SLC39A11: variants seen among roughly 807,000 people sequenced by gnomAD.
SLC39A11 encodes the protein solute carrier family 39 member 11.
Under a neutral mutation model 36.1 loss-of-function variants are expected in SLC39A11, and 33 were observed. That is an observed-to-expected ratio of 0.91 (90% CI 0.69 to 1.22). SLC39A11 has a LOEUF of 1.22. SLC39A11 is among the 50% of genes most tolerant of loss of function. SLC39A11 has a pLI of 0.00. For synonymous variants in SLC39A11, 166 were observed against 170.3 expected, an observed-to-expected ratio of 0.97 and a Z score of 0.20; for missense variants, 432 against 430.3, an observed-to-expected ratio of 1.00 and a Z score of -0.03.
At chr17:72,750,150 G>A (rs926368926) in intron 6 of SLC39A11, among the ~76,000 whole-genome samples, 1 of 152,180 alleles carries the variant, frequency 6.6e-6, no homozygotes, top group African/African-American at 2.4e-5. Flanking sequence ...AGCCAAGAGA[G>A]TCACCCTGGG....
At chr17:73,074,648 G>A (rs1331793940) in intron 3 of SLC39A11, among the ~76,000 whole-genome samples, 1 of 152,120 alleles carries the variant, frequency 6.6e-6, no homozygotes, top group Non-Finnish European at 1.5e-5. Flanking sequence ...TGGAAATAGA[G>A]AACAGCTGGT....
chr17:72,941,730 CAAG>C (rs1013052298), intron 5 of SLC39A11, among the ~76,000 whole-genome samples: 6 of 152,214 alleles, frequency 3.9e-5, no homozygotes, highest in African/African-American at 1.4e-4. Context: ...GATCCCTGTC[CAAG>C]AAGGTATCTC....
At chr17:72,753,342 T>G (rs1598580625) in intron 6 of SLC39A11, among the ~76,000 whole-genome samples, 1 of 152,344 alleles carries the variant, frequency 6.6e-6, no homozygotes. Flanking sequence ...AGAATTGTCT[T>G]CTACTTAACC....
intron 7 of SLC39A11, among the ~76,000 whole-genome samples, chr17:72,650,150 G>C (rs1195247589): frequency 6.6e-6 from 1 of 152,216 alleles, no homozygotes; most frequent in Middle Eastern, 3.2e-3. Flanking sequence ...GCTTCTCCGT[G>C]GGCTCTGCAG....
At chr17:72,669,625 T>C (rs1284791635) in intron 7 of SLC39A11, among the ~76,000 whole-genome samples, 1 of 152,202 alleles carries the variant, frequency 6.6e-6, no homozygotes, top group Non-Finnish European at 1.5e-5. Flanking sequence ...CATAAAGTAG[T>C]TTGTGCTGGG....
intron 4 of SLC39A11, among the ~76,000 whole-genome samples, chr17:72,967,369 T>TGAGAGAGAGAGAGA (rs1398782916): frequency 1.3e-4 from 2 of 15,904 alleles, no homozygotes; most frequent in Non-Finnish European, 5.9e-4. Context: ...ATAAGCATGC[T>TGAGAGAGAGAGAGA]CAGAGAGAGA....
chr17:73,068,275 C>T (rs1422734917), intron 3 of SLC39A11: 12 of 686,180 alleles, frequency 1.7e-5, no homozygotes, highest in South Asian at 7.6e-5. Flanking sequence ...ACATGGACTG[C>T]GGCTCCTCCA....
At chr17:72,816,340 T>A (rs2077583641) in intron 6 of SLC39A11, among the ~76,000 whole-genome samples, 1 of 152,186 alleles carries the variant, frequency 6.6e-6, no homozygotes, top group Admixed American at 6.5e-5. Context: ...GTTGTTTTTC[T>A]AATCTCTTTG....
intron 5 of SLC39A11, among the ~76,000 whole-genome samples, chr17:72,934,248 C>G (rs758727901): frequency 6.6e-6 from 1 of 152,098 alleles, no homozygotes; most frequent in Non-Finnish European, 1.5e-5. Flanking sequence ...GGCAGTTCAT[C>G]AAGATTAAAA....
intron 7 of SLC39A11, among the ~76,000 whole-genome samples, chr17:72,689,371 G>A (rs1015192885): frequency 2.6e-5 from 4 of 152,236 alleles, no homozygotes; most frequent in African/African-American, 4.8e-5. Context: ...TGGAAGGCCC[G>A]ATGGGGCAGT....
chr17:72,861,361 T>C (rs1022670926), intron 5 of SLC39A11, among the ~76,000 whole-genome samples: 1 of 152,094 alleles, frequency 6.6e-6, no homozygotes, highest in African/African-American at 2.4e-5. Flanking sequence ...CCCTTCAAGA[T>C]AGTCTACACT....
chr17:72,895,471 T>C (rs1434183163), intron 5 of SLC39A11, among the ~76,000 whole-genome samples: 1 of 151,596 alleles, frequency 6.6e-6, no homozygotes, highest in Non-Finnish European at 1.5e-5. Context: ...CCCAGCTACA[T>C]GGGAGGCTGA....
chr17:72,756,467 T>A (rs2075366516), intron 6 of SLC39A11, among the ~76,000 whole-genome samples: 1 of 152,204 alleles, frequency 6.6e-6, no homozygotes, highest in South Asian at 2.1e-4. Context: ...AGGAAGGAAA[T>A]GCTGACACAT....
At chr17:72,856,750 G>A (rs931334846) in intron 5 of SLC39A11, among the ~76,000 whole-genome samples, 11 of 151,674 alleles carry the variant, frequency 7.3e-5, no homozygotes, top group African/African-American at 2.2e-4. Context: ...GCGCAATCTC[G>A]GTTCACTGTA....
chr17:72,860,406 A>G (rs1419336557), intron 5 of SLC39A11, among the ~76,000 whole-genome samples: 1 of 152,232 alleles, frequency 6.6e-6, no homozygotes, highest in African/African-American at 2.4e-5. Context: ...TGTGCGAGAC[A>G]GAATATACAC....
At chr17:72,852,204 CAAAAAAAAAAAA>C (rs1167034424) in intron 5 of SLC39A11, among the ~76,000 whole-genome samples, 4 of 39,894 alleles carry the variant, frequency 1.0e-4, no homozygotes, top group Non-Finnish European at 2.1e-4. Flanking sequence ...GACTCCGTCT[CAAAAAAAAAAAA>C]AAAAAAAAAA....
At chr17:73,042,016 A>AG (rs1388227178) in intron 3 of SLC39A11, among the ~76,000 whole-genome samples, 1 of 152,188 alleles carries the variant, frequency 6.6e-6, no homozygotes, top group Non-Finnish European at 1.5e-5. Context: ...ATGATTTAAA[A>AG]AAAAAATCAA....
intron 6 of SLC39A11, among the ~76,000 whole-genome samples, chr17:72,781,097 T>C (rs1375685156): frequency 6.6e-6 from 1 of 152,220 alleles, no homozygotes; most frequent in Non-Finnish European, 1.5e-5. Flanking sequence ...CTTCGGTCTC[T>C]CTCCTCTTTC....
chr17:72,986,341 A>G (rs1200084730), intron 4 of SLC39A11, among the ~76,000 whole-genome samples: 1 of 152,202 alleles, frequency 6.6e-6, no homozygotes, highest in Non-Finnish European at 1.5e-5. Flanking sequence ...GGAGCTGGAC[A>G]AACTGGTGGT....
Sources: gnomAD v4.1 joint callset for allele counts (sites outside exome capture counted in the v4.1 genomes callset) on GRCh38, gnomAD v4.1.1 for gene constraint, MANE v1.5 for transcripts, NCBI Gene and HGNC (gene_info 2026-07-23, HGNC 2026-07-21) for gene names.